SPATA31H1: variants seen among roughly 807,000 people sequenced by gnomAD.
The protein encoded by SPATA31H1 is SPATA31 subfamily H member 1, also known as spermatogenesis-associated protein 31H1.
At chr2:27,538,364 A>T in the SPATA31H1 span, among the ~76,000 whole-genome samples, 2 of 152,266 alleles carry the variant, frequency 1.3e-5, no homozygotes, top group African/African-American at 4.8e-5. Context: ...AGTTTCTACA[A>T]TTCTAGCAAG....
At chr2:27,543,124 A>G in the SPATA31H1 span, among the ~76,000 whole-genome samples, 2 of 151,084 alleles carry the variant, frequency 1.3e-5, no homozygotes, top group Non-Finnish European at 2.9e-5. Context: ...ACACACACAA[A>G]CCCCCCAAAG....
the SPATA31H1 span, among the ~76,000 whole-genome samples, chr2:27,547,527 A>G: frequency 6.6e-6 from 1 of 151,918 alleles, no homozygotes; most frequent in East Asian, 1.9e-4. Context: ...TGACATTTCC[A>G]TATAAATCTG....
At chr2:27,581,973 C>A in the SPATA31H1 span, 12 of 1,613,730 alleles carry the variant, frequency 7.4e-6, no homozygotes, top group Non-Finnish European at 1.0e-5. Flanking sequence ...CCATCACAGT[C>A]CCTCTGAGAG....
chr2:27,539,663 G>C, the SPATA31H1 span, among the ~76,000 whole-genome samples: 2 of 105,024 alleles, frequency 1.9e-5, no homozygotes, highest in Non-Finnish European at 3.7e-5. Flanking sequence ...TGGCCGGGCA[G>C]AGGGGCTCCT....
chr2:27,538,506 G>A, the SPATA31H1 span, among the ~76,000 whole-genome samples: 1 of 152,080 alleles, frequency 6.6e-6, no homozygotes, highest in Non-Finnish European at 1.5e-5. Context: ...GGGAAGAAGC[G>A]AGGAAACAAA....
chr2:27,540,986 T>G, the SPATA31H1 span, among the ~76,000 whole-genome samples: 1 of 129,708 alleles, frequency 7.7e-6, no homozygotes, highest in Non-Finnish European at 1.6e-5. Flanking sequence ...CCAGACGGGG[T>G]GGCGGCTGGG....
the SPATA31H1 span, among the ~76,000 whole-genome samples, chr2:27,560,525 T>C: frequency 0.17 from 25,614 of 151,342 alleles, 2,729 homozygotes; most frequent in East Asian, 0.35. Context: ...TGGCAAGATC[T>C]CGGCTCACTG....
At chr2:27,563,385 CTTTTTTTTT>C in the SPATA31H1 span, among the ~76,000 whole-genome samples, 1,035 of 68,742 alleles carry the variant, frequency 0.015, 28 homozygotes, top group African/African-American at 0.056. Context: ...TCTTCTACTT[CTTTTTTTTT>C]TTTTTTTTTT....
chr2:27,575,503 A>G, the SPATA31H1 span: 1 of 398,544 alleles, frequency 2.5e-6, no homozygotes, highest in Non-Finnish European at 4.4e-6. This position sits in a 1 kb window ranked among gnomAD's most constrained non-coding sequence, Gnocchi z 4.1. Context: ...CAAGGTATAC[A>G]ATCTTTAGAT....
chr2:27,576,468 C>T, the SPATA31H1 span: 1 of 852,418 alleles, frequency 1.2e-6, no homozygotes, highest in East Asian at 2.7e-5. Context: ...TCTATGGCCA[C>T]AACCTCAAAG....
At chr2:27,567,043 A>G in the SPATA31H1 span, 2 of 717,372 alleles carry the variant, frequency 2.8e-6, no homozygotes, top group South Asian at 1.5e-5. Flanking sequence ...TCAGAGCCCC[A>G]GAAATCAAAA....
chr2:27,580,925 T>C, the SPATA31H1 span: 116 of 1,614,094 alleles, frequency 7.2e-5, no homozygotes, highest in Non-Finnish European at 9.7e-5. Flanking sequence ...AACCCAGACC[T>C]CTTCGACTGC....
chr2:27,555,186 T>C, the SPATA31H1 span, among the ~76,000 whole-genome samples: 11 of 152,150 alleles, frequency 7.2e-5, no homozygotes, highest in African/African-American at 2.4e-4. Flanking sequence ...ATGTGGTATA[T>C]TACAGTGATT....
At chr2:27,562,795 G>A in the SPATA31H1 span, among the ~76,000 whole-genome samples, 1 of 151,432 alleles carries the variant, frequency 6.6e-6, no homozygotes, top group African/African-American at 2.4e-5. Context: ...GCTGAAGCAG[G>A]AGAATCGCTT....
At chr2:27,543,964 T>G in the SPATA31H1 span, among the ~76,000 whole-genome samples, 1 of 152,056 alleles carries the variant, frequency 6.6e-6, no homozygotes, top group Admixed American at 6.5e-5. Flanking sequence ...CTGACAATTT[T>G]TTTCAGTCCT....
At chr2:27,558,903 GA>G in the SPATA31H1 span, among the ~76,000 whole-genome samples, 1 of 78,378 alleles carries the variant, frequency 1.3e-5, no homozygotes, top group Non-Finnish European at 2.6e-5. Context: ...GGGAGAGGGA[GA>G]GGGAGAGGGA....
the SPATA31H1 span, among the ~76,000 whole-genome samples, chr2:27,539,108 T>A: frequency 8.1e-6 from 1 of 123,718 alleles, no homozygotes; most frequent in Non-Finnish European, 1.6e-5. Context: ...TTTCTTTTTT[T>A]TTTTTTTTTT....
At chr2:27,555,716 C>T in the SPATA31H1 span, among the ~76,000 whole-genome samples, 1 of 151,968 alleles carries the variant, frequency 6.6e-6, no homozygotes, top group African/African-American at 2.4e-5. Flanking sequence ...CACTTAGTCT[C>T]TTTTAGCACA....
chr2:27,549,072 C>CAA, the SPATA31H1 span, among the ~76,000 whole-genome samples: 1,149 of 51,612 alleles, frequency 0.022, 36 homozygotes, highest in African/African-American at 0.058. Context: ...GACTCCGTCT[C>CAA]AAAAAAAAAA....
Sources: gnomAD v4.1 joint callset for allele counts (sites outside exome capture counted in the v4.1 genomes callset) on GRCh38, gnomAD v4.1.1 for gene constraint, Gnocchi (gnomAD v3.1) non-coding constraint, MANE v1.5 for transcripts, NCBI Gene and HGNC (gene_info 2026-07-23, HGNC 2026-07-21) for gene names.